Variants in ITGA11 observed in about 807,000 individuals in gnomAD.
ITGA11 encodes integrin alpha-11.
Under a neutral mutation model 141.9 loss-of-function variants are expected in ITGA11, and 97 were observed. That is an observed-to-expected ratio of 0.68 (90% CI 0.58 to 0.81). The LOEUF (loss-of-function observed/expected upper bound fraction) is 0.81. Among genes scored for constraint, ITGA11 ranks in the 30% least tolerant of loss-of-function variants. The pLI is 0.00. For synonymous variants in ITGA11, 658 were observed against 624.6 expected (o/e 1.05, Z -0.80); for missense variants, 1,387 against 1,559.2 (o/e 0.89, Z 1.86).
intron 2 of ITGA11, among the ~76,000 whole-genome samples, chr15:68,383,562 A>G (rs1895913133): frequency 6.6e-6 from 1 of 152,210 alleles, no homozygotes. Flanking sequence ...ACCCTGAGTG[A>G]TATCTACAGG....
chr15:68,358,913 T>G (rs1315483818), intron 5 of ITGA11, among the ~76,000 whole-genome samples: 1 of 152,228 alleles, frequency 6.6e-6, no homozygotes. Flanking sequence ...CTTGGTATTG[T>G]TTGTTTTGCT....
In ITGA11 at chr15:68,320,298, G is replaced by A. The variant is rs756551047; in HGVS notation, c.2503C>T (p.Arg835Cys). ...GTGGCCTCCACCGCCACTCGCTGGC[G>A]TGTGCTCTCTATGATGAAGACTGTG... ...DTTVFIIEST[R>C]QRVAVEATLE... The change falls in exon 20 of 30, where the codon CGC becomes TGC. Residue 835 changes from arginine to cysteine, a missense_variant. Transcript: ENST00000315757. 3.4e-5 allele frequency: 55 copies of A among 1,613,982 alleles called. No homozygotes were observed. The highest frequency in any genetic ancestry group is 4.1e-5 in the Non-Finnish European group (48 of 1,179,864).
chr15:68,335,602 C>T lies in ITGA11; in HGVS notation c.1425+95G>A. 1 of 1,407,994 alleles carries T rather than the reference C, an allele frequency of 7.1e-7. No homozygotes were observed. Among genetic ancestry groups the T allele is most frequent in the Non-Finnish European group, 9.8e-7 (1 of 1,022,796 alleles). The allele number at this position is 1,407,994 out of a possible 1,614,324, so 87.2% of individuals were successfully genotyped here. A position where few individuals can be genotyped will look rare whatever the true frequency, so the allele number is the denominator to read the frequency against. On this transcript the variant is annotated intron_variant, in intron 12 of 29. Coordinates refer to ENST00000315757, the MANE Select transcript of ITGA11 (RefSeq NM_001004439.2). The surrounding 1 kb of genome is among the most constrained non-coding windows in gnomAD (Gnocchi z 4.9). The stretch of plus-strand genomic sequence containing the variant: ...GGAACATGACTGCCCTTTGGGGCAC[C>T]CAGTGGTCCAGGCATGCCTGTATTT...
intron 10 of ITGA11, among the ~76,000 whole-genome samples, chr15:68,345,390 G>A (rs796846658): frequency 3.9e-5 from 6 of 152,292 alleles, no homozygotes; most frequent in African/African-American, 1.4e-4. Context: ...AGCCTGGAAT[G>A]TAATGTTTTG....
chr15:68,350,766 T>C lies in ITGA11; in HGVS notation c.911A>G (p.Asn304Ser). Reference sequence around the variant, plus strand: ...AGTTTCTGGATTGATCCCCCTGCGGTTGTAGTAGCCCAGGACCTGCCAGGG... The same window carrying C: ...AGTTTCTGGATTGATCCCCCTGCGGCTGTAGTAGCCCAGGACCTGCCAGGG... ...RYAVAVLGYY[N>S]RRGINPETFL... The change falls in exon 9 of 30, where the codon AAC becomes AGC. Residue 304 changes from asparagine to serine, a missense_variant. Coordinates refer to ENST00000315757, the MANE Select transcript of ITGA11 (RefSeq NM_001004439.2). 1.2e-6 allele frequency: 2 copies of C among 1,613,232 alleles called. No homozygotes were observed. The highest frequency in any genetic ancestry group is 1.1e-5 in the South Asian group (1 of 90,944).
Position 68,297,364 on chromosome 15 carries a change from A to G in ITGA11, c.*5695T>C, listed in dbSNP as rs1674335678. On this transcript the variant is annotated 3_prime_UTR_variant, in exon 30 of 30. Coordinates refer to ENST00000315757, the MANE Select transcript of ITGA11 (RefSeq NM_001004439.2). ...AAGTTTGGTGTAATTTTATCATGTT[A>G]AGAGATTATTTCGTTTAGCATTGAA... is the stretch of plus-strand genomic sequence containing the variant. The G allele has an allele frequency of 6.7e-6, 1 of 149,952 alleles. No homozygotes were observed. Among genetic ancestry groups the G allele is most frequent in the Admixed American group, 6.6e-5 (1 of 15,118 alleles). 9.3% of individuals were successfully genotyped at this position (149,952 alleles called of 1,614,324 possible). A position where few individuals can be genotyped will look rare whatever the true frequency, so the allele number is the denominator to read the frequency against.
At chr15:68,340,458 AG>A (rs1894530554) in intron 10 of ITGA11, among the ~76,000 whole-genome samples, 1 of 152,164 alleles carries the variant, frequency 6.6e-6, no homozygotes, top group African/African-American at 2.4e-5. Context: ...TTTGTTCATA[AG>A]GAACTGAACG....
chr15:68,336,677 T>A (rs1375138309), intron 11 of ITGA11, among the ~76,000 whole-genome samples: 3 of 152,236 alleles, frequency 2.0e-5, no homozygotes, highest in African/African-American at 7.2e-5. Flanking sequence ...TTCTGCCAGA[T>A]AATCTTGGAT....
chr15:68,365,887 T>C (rs1437651690), intron 3 of ITGA11, among the ~76,000 whole-genome samples: 3 of 151,986 alleles, frequency 2.0e-5, no homozygotes, highest in Non-Finnish European at 4.4e-5. Context: ...ATGGGTTGCA[T>C]TGCACTGTGT....
In ITGA11 at chr15:68,303,232, C is replaced by T; in HGVS notation, c.3496-102G>A. On this transcript the variant is annotated intron_variant, in intron 29 of 29. Coordinates refer to ENST00000315757, the MANE Select transcript of ITGA11 (RefSeq NM_001004439.2). This position sits in a 1 kb window ranked among gnomAD's most constrained non-coding sequence, Gnocchi z 5.3. ...TTTCCTTGGGATTCCTCCCTCAGGG[C>T]TTCCTTGAGTACCCCCAGCTCATTC... 1.0e-6 allele frequency: 1 copy of T among 980,938 alleles called. No individual in the cohort carries two copies. Among genetic ancestry groups the T allele is most frequent in the Non-Finnish European group, 1.5e-6 (1 of 647,130 alleles). 60.8% of individuals were successfully genotyped at this position (980,938 alleles called of 1,614,324 possible). A position where few individuals can be genotyped will look rare whatever the true frequency, so the allele number is the denominator to read the frequency against.
At position 68,313,926 on chromosome 15, in the gene ITGA11, G is replaced by A. The variant is rs1893483894; in HGVS notation, c.2793-58C>T. On this transcript the variant is annotated intron_variant, in intron 22 of 29. Coordinates refer to ENST00000315757, the MANE Select transcript of ITGA11 (RefSeq NM_001004439.2). The stretch of plus-strand genomic sequence containing the variant: ...GGGGCTCAGCCAGCACAGGCAGCGG[G>A]AAGGGTCTGAGGCAGACTGTGGAAG... 3.6e-6 allele frequency: 5 copies of A among 1,390,082 alleles called. No homozygotes were observed. In the Admixed American group the frequency reaches 5.1e-5, roughly 14 times the overall value. The allele number at this position is 1,390,082 out of a possible 1,614,324, so 86.1% of individuals were successfully genotyped here. A position where few individuals can be genotyped will look rare whatever the true frequency, so the allele number is the denominator to read the frequency against.
chr15:68,303,864 G>T lies in ITGA11; in HGVS notation c.3403C>A (p.Gln1135Lys), dbSNP rs1420734350. 2.5e-6 allele frequency: 4 copies of T among 1,612,396 alleles called. No individual in the cohort carries two copies. The African/African-American group carries it at 4.0e-5, about 16-fold the overall frequency. The change falls in exon 29 of 30, where the codon CAA (glutamine) becomes AAA (lysine). Residue 1135 changes from glutamine to lysine, a missense_variant. By Grantham distance (53) the Gln-to-Lys change is moderately conservative. Transcript: ENST00000315757. The surrounding 1 kb of genome is among the most constrained non-coding windows in gnomAD (Gnocchi z 5.3). ...CAGATGGGGACCTGCCAGTCCTCTT[G>T]CTTGGAGATCTCAAACACGATCTGC... The part of the protein sequence containing the change: ...SRQIVFEISK[Q>K]EDWQVPIWII...
Position 68,312,821 on chromosome 15 carries a change from C to A in ITGA11, c.2925G>T (p.Ser975=), listed in dbSNP as rs763821233. The stretch of plus-strand genomic sequence containing the variant: ...GCCCGATACCATCGTATCTCTCCAG[C>A]GAGCTGTTGGGCTTGACCTCGTAGT... ...LSHYEVKPNS[S]LERYDGIGPP... Residue 975 remains serine (S), a synonymous_variant, in exon 24 of 30, where the codon TCG becomes TCT. Coordinates refer to ENST00000315757, the MANE Select transcript of ITGA11 (RefSeq NM_001004439.2). 1 of 1,613,806 alleles carries A rather than the reference C, an allele frequency of 6.2e-7. No homozygotes were observed. The highest frequency in any genetic ancestry group is 2.2e-5 in the East Asian group (1 of 44,874).
rs940454012 is a variant in ITGA11, at chr15:68,296,719, A to G, written c.*6340T>C. The G allele has an allele frequency of 6.6e-6, 1 of 151,892 alleles. No homozygotes were observed. Among genetic ancestry groups the G allele is most frequent in the African/African-American group, 2.4e-5 (1 of 41,340 alleles). The allele number at this position is 151,892 out of a possible 1,614,324, so 9.4% of individuals were successfully genotyped here. A position where few individuals can be genotyped will look rare whatever the true frequency, so the allele number is the denominator to read the frequency against. ...TTTACTTTAAATATGGTACTTTTGT[A>G]TCCAAAGTTTACATTTTTCTATAGT... On this transcript the variant is annotated 3_prime_UTR_variant, in exon 30 of 30. Transcript: ENST00000315757.
Position 68,369,392 on chromosome 15 carries a change from G to GGGGGGGGGGGGGA in ITGA11, c.165-109_165-108insTCCCCCCCCCCCC. On this transcript the variant is annotated intron_variant, in intron 2 of 29. Coordinates refer to ENST00000315757, the MANE Select transcript of ITGA11 (RefSeq NM_001004439.2). ...AGGTGAAGTTGGGTGGGGAGGGTGG[G>GGGGGGGGGGGGGA]AGGGAACCCTGGAGGTGTGACCACA... 2.1e-5 allele frequency: 4 copies of GGGGGGGGGGGGGA among 187,570 alleles called. 1 individual carries two copies. Among genetic ancestry groups the GGGGGGGGGGGGGA allele is most frequent in the Non-Finnish European group, 3.3e-5 (3 of 91,346 alleles). The allele number at this position is 187,570 out of a possible 1,614,324, so 11.6% of individuals were successfully genotyped here. A position where few individuals can be genotyped will look rare whatever the true frequency, so the allele number is the denominator to read the frequency against.
At position 68,320,217 on chromosome 15, in the gene ITGA11, C is replaced by T; in HGVS notation, c.2584G>A (p.Ala862Thr). Residue 862 changes from alanine (A) to threonine (T), a missense_variant, in exon 20 of 30, where the codon GCA becomes ACA. Physicochemically the swap from Ala to Thr is moderately conservative, Grantham distance 58. Coordinates refer to ENST00000315757, the MANE Select transcript of ITGA11 (RefSeq NM_001004439.2). The stretch of plus-strand genomic sequence containing the variant: ...ATCAAGCTGGCAAACTGCAGGTTTG[C>T]TGACTGCGAGATATTTAGGACCGTG... Reference protein sequence around the residue: ...YSTVLNISQSANLQFASLIQK... With the variant: ...YSTVLNISQSTNLQFASLIQK... 1 of 1,614,036 alleles carries T rather than the reference C, an allele frequency of 6.2e-7. No individual in the cohort carries two copies. The highest frequency in any genetic ancestry group is 8.5e-7 in the Non-Finnish European group (1 of 1,179,900).
intron 7 of ITGA11, 62 bp from the exon 8 acceptor site, chr15:68,351,464 G>A (rs114897346): frequency 1.3e-5 from 20 of 1,558,228 alleles, no homozygotes; most frequent in East Asian, 2.3e-5. Context: ...AGCCCCTGAC[G>A]CTCCTGCAGA....
At chr15:68,380,616 T>C (rs1895836869) in intron 2 of ITGA11, among the ~76,000 whole-genome samples, 1 of 152,110 alleles carries the variant, frequency 6.6e-6, no homozygotes, top group Non-Finnish European at 1.5e-5. Flanking sequence ...AGGGGGCAAC[T>C]CCTGGACAGA....
chr15:68,326,697 G>C lies in ITGA11; in HGVS notation c.2168C>G (p.Ser723Cys). ...DRFTNRAVLLSSGQELCERIN... is the reference protein window; with the variant it reads ...DRFTNRAVLLCSGQELCERIN... The stretch of plus-strand genomic sequence containing the variant: ...CCGCTCACAGAGCTCCTGGCCGGAG[G>C]AGAGCAGTACGGCTCTGTTGGTGAA... Residue 723 changes from serine (S) to cysteine (C), a missense_variant, in exon 17 of 30, where the codon TCC becomes TGC. By Grantham distance (112) the Ser-to-Cys change is moderately radical (BLOSUM62 -1). Transcript: ENST00000315757. This position sits in a 1 kb window ranked among gnomAD's most constrained non-coding sequence, Gnocchi z 6.8. The C allele has an allele frequency of 6.3e-7, 1 of 1,589,896 alleles. No homozygotes were observed. Among genetic ancestry groups the C allele is most frequent in the Non-Finnish European group, 8.6e-7 (1 of 1,168,296 alleles).
Sources: allele counts gnomAD v4.1 joint callset (sites outside exome capture counted in the v4.1 genomes callset), GRCh38; gene constraint gnomAD v4.1.1; non-coding constraint Gnocchi (gnomAD v3.1); transcripts MANE v1.5; gene names NCBI Gene and HGNC (gene_info 2026-07-23, HGNC 2026-07-21).